CRADD: variants seen among roughly 807,000 people sequenced by gnomAD.
The protein encoded by CRADD is CARD and death domain containing adaptor protein.
In CRADD, 9 loss-of-function variants were observed where a neutral mutation model predicts 15.5. That is an observed-to-expected ratio of 0.58 (90% CI 0.35 to 1.01). The LOEUF (loss-of-function observed/expected upper bound fraction) is 1.01. Among genes scored for constraint, CRADD ranks in the 50% least tolerant of loss-of-function variants. CRADD has a pLI of 0.02. For synonymous variants in CRADD, 118 were observed against 107.6 expected (o/e 1.10, Z -0.60); for missense variants, 227 against 250.3 (o/e 0.91, Z 0.63).
At chr12:93,823,796 G>A (rs2137021758) in intron 2 of CRADD, among the ~76,000 whole-genome samples, 1 of 152,298 alleles carries the variant, frequency 6.6e-6, no homozygotes, top group African/African-American at 2.4e-5. Context: ...AGTGGAGTGA[G>A]TAATAGTCAG....
At chr12:93,845,722 A>G (rs1211253709) in intron 2 of CRADD, among the ~76,000 whole-genome samples, 2 of 152,202 alleles carry the variant, frequency 1.3e-5, no homozygotes, top group East Asian at 1.9e-4. Flanking sequence ...GAGTAGAAAC[A>G]AAAACTCAAG....
intron 2 of CRADD, among the ~76,000 whole-genome samples, chr12:93,707,378 C>G (rs1343956686): frequency 1.3e-5 from 2 of 152,164 alleles, no homozygotes; most frequent in Non-Finnish European, 2.9e-5. Flanking sequence ...CAGTTTGTCT[C>G]TGATCCACAT....
rs188249401 is a variant in CRADD, at chr12:93,761,777, T to A, written c.298+82705T>A. On this transcript the variant is annotated intron_variant, in intron 2 of 2. Transcript: ENST00000332896. ...TATTATGAGCACTAGTTTCATTTCA[T>A]GACAAATAGGAATAGAGAGAAAATT... Among the ~76,000 whole-genome samples, 319 of 152,340 alleles carry A rather than the reference T, an allele frequency of 2.1e-3. 2 individuals carry two copies. Among genetic ancestry groups the A allele is most frequent in the African/African-American group, 6.7e-3 (278 of 41,578 alleles).
intron 2 of CRADD, among the ~76,000 whole-genome samples, chr12:93,805,301 G>T (rs1205744061): frequency 6.6e-6 from 1 of 151,146 alleles, no homozygotes. Flanking sequence ...ATATATGTGA[G>T]AAAACTCTAA....
intron 2 of CRADD, among the ~76,000 whole-genome samples, chr12:93,892,276 T>G (rs1958581377): frequency 6.6e-6 from 1 of 152,230 alleles, no homozygotes; most frequent in Admixed American, 6.5e-5. Flanking sequence ...ATTTTGATAT[T>G]TTGTTCATCC....
intron 2 of CRADD, among the ~76,000 whole-genome samples, chr12:93,717,147 CAT>C (rs1267031707): frequency 6.6e-6 from 1 of 152,176 alleles, no homozygotes; most frequent in African/African-American, 2.4e-5. Flanking sequence ...CATCTTTTCA[CAT>C]ACTTACTTGC....
At chr12:93,685,762 C>T (rs1004162153) in intron 2 of CRADD, among the ~76,000 whole-genome samples, 2 of 152,104 alleles carry the variant, frequency 1.3e-5, no homozygotes, top group Admixed American at 1.3e-4. Flanking sequence ...GAGGCCGAGG[C>T]GGGCAGATCA....
intron 2 of CRADD, among the ~76,000 whole-genome samples, chr12:93,776,729 A>G (rs1000930912): frequency 6.6e-6 from 1 of 152,230 alleles, no homozygotes; most frequent in Non-Finnish European, 1.5e-5. Context: ...ATTATTCAGT[A>G]ATAAAGACTA....
intron 2 of CRADD, among the ~76,000 whole-genome samples, chr12:93,758,521 A>G (rs1956915857): frequency 6.6e-6 from 1 of 151,994 alleles, no homozygotes; most frequent in Admixed American, 6.6e-5. Context: ...TAATGTAACC[A>G]TGACTTATAT....
chr12:93,796,432 C>T (rs546980273), intron 2 of CRADD, among the ~76,000 whole-genome samples: 56 of 152,036 alleles, frequency 3.7e-4, no homozygotes, highest in African/African-American at 1.2e-3. Flanking sequence ...TGGTGAAACC[C>T]TATCTCTACT....
chr12:93,760,251 T>TG (rs1956937138), intron 2 of CRADD, among the ~76,000 whole-genome samples: 1 of 152,188 alleles, frequency 6.6e-6, no homozygotes, highest in African/African-American at 2.4e-5. Flanking sequence ...AGTTTTCTCT[T>TG]GGAAAAGAGC....
chr12:93,814,839 A>G (rs917462748), intron 2 of CRADD, among the ~76,000 whole-genome samples: 1 of 152,252 alleles, frequency 6.6e-6, no homozygotes, highest in Non-Finnish European at 1.5e-5. Flanking sequence ...AACCTATGTG[A>G]TCATGTATAT....
intron 2 of CRADD, among the ~76,000 whole-genome samples, chr12:93,813,351 A>G (rs1241950219): frequency 1.3e-5 from 2 of 152,258 alleles, no homozygotes; most frequent in Non-Finnish European, 2.9e-5. Flanking sequence ...TAAATGTTGC[A>G]TTTGTGCCCT....
At chr12:93,838,135 C>G (rs932855980) in intron 2 of CRADD, 1 of 151,396 alleles carries the variant, frequency 6.6e-6, no homozygotes, top group Non-Finnish European at 1.5e-5. Context: ...CTCCATCTCT[C>G]TGTGAGGACC....
intron 2 of CRADD, among the ~76,000 whole-genome samples, chr12:93,812,708 C>T (rs1326825656): frequency 6.6e-6 from 1 of 152,104 alleles, no homozygotes; most frequent in East Asian, 1.9e-4. Context: ...TTATTTTCTC[C>T]CCTGTGGCCT....
intron 2 of CRADD, among the ~76,000 whole-genome samples, chr12:93,805,278 T>G (rs1262304882): frequency 6.6e-6 from 1 of 151,956 alleles, no homozygotes; most frequent in Non-Finnish European, 1.5e-5. Flanking sequence ...TTTCTGAGTC[T>G]TTTTTTCTTA....
chr12:93,695,225 A>C (rs1157048802), intron 2 of CRADD, among the ~76,000 whole-genome samples: 1 of 152,246 alleles, frequency 6.6e-6, no homozygotes, highest in African/African-American at 2.4e-5. Flanking sequence ...GAGAAAGGAC[A>C]GTCTTTTCAA....
chr12:93,723,000 C>T (rs1031071383), intron 2 of CRADD, among the ~76,000 whole-genome samples: 8 of 152,108 alleles, frequency 5.3e-5, no homozygotes, highest in Non-Finnish European at 1.5e-5. Context: ...AAATTATGAC[C>T]ATGAGAAAAA....
chr12:93,840,025 T>C (rs1268579166), intron 2 of CRADD, among the ~76,000 whole-genome samples: 1 of 152,256 alleles, frequency 6.6e-6, no homozygotes, highest in Non-Finnish European at 1.5e-5. Flanking sequence ...TTTGGGACTT[T>C]ATCTCCATGG....
Sources: gnomAD v4.1 joint callset for allele counts (sites outside exome capture counted in the v4.1 genomes callset) on GRCh38, gnomAD v4.1.1 for gene constraint, MANE v1.5 for transcripts, NCBI Gene and HGNC (gene_info 2026-07-23, HGNC 2026-07-21) for gene names.